The following CDH13 variants were observed in gnomAD, a reference collection of about 807,000 sequenced individuals.
CDH13 encodes cadherin 13.
A neutral mutation model predicts 63.8 loss-of-function variants in CDH13; 24 were observed. The ratio of observed to expected loss-of-function variants is 0.38; its 90% CI spans 0.27 to 0.53. The LOEUF is 0.53. Ranked by LOEUF, CDH13 falls within the 20% of genes least tolerant of loss-of-function variation. The pLI, the probability that CDH13 is intolerant of heterozygous loss-of-function variation, is 0.85. For synonymous variants in CDH13, 503 were observed against 355.3 expected (o/e 1.42, Z -4.67); for missense variants, 1,049 against 903.1 (o/e 1.16, Z -2.07).
chr16:83,425,857 T>C (rs965371385), intron 6 of CDH13, among the ~76,000 whole-genome samples: 3 of 152,166 alleles, frequency 2.0e-5, no homozygotes, highest in African/African-American at 7.2e-5. Flanking sequence ...CAATTATTTA[T>C]AAGGGACTTA....
At chr16:83,665,120 G>T (rs1378863314) in intron 8 of CDH13, among the ~76,000 whole-genome samples, 1 of 152,048 alleles carries the variant, frequency 6.6e-6, no homozygotes, top group Non-Finnish European at 1.5e-5. Flanking sequence ...CATGTCTGTT[G>T]TTGGAGCATA....
At chr16:82,713,466 C>T (rs537382402) in intron 1 of CDH13, among the ~76,000 whole-genome samples, 5 of 152,234 alleles carry the variant, frequency 3.3e-5, no homozygotes, top group Admixed American at 2.6e-4. Context: ...CTGCCTGCCC[C>T]CAGCACTGTT....
chr16:83,375,858 A>G lies in CDH13; in HGVS notation c.781+30852A>G, dbSNP rs117596849. Among the ~76,000 whole-genome samples the G allele has an allele frequency of 3.8e-3, 584 of 152,224 alleles. 2 individuals are homozygous for G. Among genetic ancestry groups the G allele is most frequent in the Non-Finnish European group, 6.4e-3 (437 of 68,002 alleles). ...AGGAGATGTGACTTGAGGGTAGGCT[A>G]TGGGGATGGCAGGGAGTAGAAAGGG... On this transcript the variant is annotated intron_variant, in intron 6 of 13. Coordinates refer to ENST00000567109, the MANE Select transcript of CDH13 (RefSeq NM_001257.5).
chr16:83,251,083 A>G (rs1256604122), intron 5 of CDH13, among the ~76,000 whole-genome samples: 2 of 152,122 alleles, frequency 1.3e-5, no homozygotes, highest in African/African-American at 2.4e-5. Context: ...AATGAAAGCC[A>G]CAACCCAGGA....
At chr16:83,552,969 T>C (rs1211537491) in intron 7 of CDH13, among the ~76,000 whole-genome samples, 1 of 151,890 alleles carries the variant, frequency 6.6e-6, no homozygotes, top group East Asian at 1.9e-4. Context: ...ATTCCAGTTA[T>C]TCGGGAGGCT....
At chr16:83,395,321 A>G (rs994481925) in intron 6 of CDH13, among the ~76,000 whole-genome samples, 2 of 151,932 alleles carry the variant, frequency 1.3e-5, no homozygotes, top group African/African-American at 4.8e-5. Context: ...CTCAAAAAAA[A>G]AAAAAGTCAA....
At chr16:83,464,767 G>T (rs2073266847) in intron 6 of CDH13, among the ~76,000 whole-genome samples, 1 of 152,118 alleles carries the variant, frequency 6.6e-6, no homozygotes, top group Non-Finnish European at 1.5e-5. Flanking sequence ...TGAGATTCTG[G>T]GTAGACGTGA....
intron 2 of CDH13, among the ~76,000 whole-genome samples, chr16:82,894,243 C>G (rs1187911955): frequency 1.3e-5 from 2 of 152,174 alleles, no homozygotes; most frequent in Non-Finnish European, 2.9e-5. Flanking sequence ...GTGTGAGCCA[C>G]TCTGCCCAGC....
At chr16:83,400,238 A>C (rs1485555441) in intron 6 of CDH13, among the ~76,000 whole-genome samples, 2 of 152,132 alleles carry the variant, frequency 1.3e-5, no homozygotes, top group Non-Finnish European at 2.9e-5. Context: ...CGATCCAGAA[A>C]TGTCTATGTG....
At position 83,032,071 on chromosome 16, in the gene CDH13, C is replaced by G. The variant is rs778819651; in HGVS notation, c.219C>G (p.Phe73Leu). 6.2e-7 allele frequency: 1 copy of G among 1,611,546 alleles called. No individual in the cohort carries two copies. The highest frequency in any genetic ancestry group is 8.5e-7 in the Non-Finnish European group (1 of 1,178,982). ...GCTATGAGGTCTCGAGCCCATACTTCAAGGTGAACAGCGATGGCGGCTTAG... is the reference window on the plus strand; with the variant it reads ...GCTATGAGGTCTCGAGCCCATACTTGAAGGTGAACAGCGATGGCGGCTTAG... The part of the protein sequence containing the change: ...KLRYEVSSPY[F>L]KVNSDGGLVA... Residue 73 changes from phenylalanine (F) to leucine (L), a missense_variant, in exon 3 of 14, where the codon TTC (phenylalanine) becomes TTG (leucine). By Grantham distance (22) the Phe-to-Leu change is conservative. Coordinates refer to ENST00000567109, the MANE Select transcript of CDH13 (RefSeq NM_001257.5).
intron 1 of CDH13, among the ~76,000 whole-genome samples, chr16:82,795,426 G>A (rs928833480): frequency 1.3e-5 from 2 of 152,158 alleles, no homozygotes; most frequent in Non-Finnish European, 2.9e-5. Flanking sequence ...ACCTGGGCCC[G>A]GAGGGGTCGG....
Position 83,525,424 on chromosome 16 carries a change from TA to T in CDH13, c.960+38772del, listed in dbSNP as rs536580049. ...TAAAAAGTGGTGAAGCTGGAATTTG[TA>T]AACAGGTTTCTTGGACTCCTAAGCC... On this transcript the variant is annotated intron_variant, in intron 7 of 13. Coordinates refer to ENST00000567109, the MANE Select transcript of CDH13 (RefSeq NM_001257.5). Among the ~76,000 whole-genome samples, 845 of 152,376 alleles carry T rather than the reference TA, an allele frequency of 5.5e-3. 12 individuals are homozygous for T. Among genetic ancestry groups the T allele is most frequent in the African/African-American group, 0.019 (771 of 41,596 alleles).
chr16:83,396,402 C>G (rs2091887500), intron 6 of CDH13, among the ~76,000 whole-genome samples: 1 of 152,180 alleles, frequency 6.6e-6, no homozygotes, highest in Non-Finnish European at 1.5e-5. Context: ...TGCCATGTGT[C>G]ATGTAATTCT....
At chr16:83,619,619 A>G (rs1210795147) in intron 8 of CDH13, among the ~76,000 whole-genome samples, 3 of 152,174 alleles carry the variant, frequency 2.0e-5, no homozygotes, top group Non-Finnish European at 4.4e-5. Flanking sequence ...GGGCTTGTGC[A>G]TGAGCACGAG....
chr16:83,393,680 A>G (rs978680697), intron 6 of CDH13, among the ~76,000 whole-genome samples: 2 of 152,204 alleles, frequency 1.3e-5, no homozygotes, highest in African/African-American at 4.8e-5. Context: ...TCATTCATTC[A>G]TTGAATTGAA....
intron 1 of CDH13, among the ~76,000 whole-genome samples, chr16:82,818,269 A>C (rs2037824096): frequency 6.6e-6 from 1 of 152,114 alleles, no homozygotes. Flanking sequence ...TAAAACTTGA[A>C]GTTGCCCGGC....
At chr16:83,479,495 A>G (rs2073702478) in intron 6 of CDH13, among the ~76,000 whole-genome samples, 1 of 152,136 alleles carries the variant, frequency 6.6e-6, no homozygotes, top group Non-Finnish European at 1.5e-5. Context: ...TCTCTACTAA[A>G]AATACAAAAA....
intron 1 of CDH13, among the ~76,000 whole-genome samples, chr16:82,764,744 C>T (rs1354630354): frequency 6.6e-6 from 1 of 151,584 alleles, no homozygotes; most frequent in African/African-American, 2.4e-5. Context: ...GTTTGTGTCC[C>T]TTTATCTCTT....
chr16:83,789,966 A>G (rs1916152400), intron 13 of CDH13: 2 of 151,988 alleles, frequency 1.3e-5, no homozygotes, highest in Non-Finnish European at 1.5e-5. Flanking sequence ...ACTTCAAAGC[A>G]TCATTCATAA....
Sources: allele counts gnomAD v4.1 joint callset (sites outside exome capture counted in the v4.1 genomes callset), GRCh38; gene constraint gnomAD v4.1.1; transcripts MANE v1.5; gene names NCBI Gene and HGNC (gene_info 2026-07-23, HGNC 2026-07-21).